SNX29: variants seen among roughly 807,000 people sequenced by gnomAD.
The protein encoded by SNX29 is sorting nexin 29.
Under a neutral mutation model 102.1 loss-of-function variants are expected in SNX29, and 78 were observed. The observed-to-expected ratio is 0.76, with a 90% confidence interval of 0.64 to 0.92. The LOEUF (loss-of-function observed/expected upper bound fraction) is 0.92. Among genes scored for constraint, SNX29 ranks in the 40% least tolerant of loss-of-function variants. SNX29 has a pLI of 0.00. For synonymous variants in SNX29, 580 were observed against 414.5 expected, an observed-to-expected ratio of 1.40 and a Z score of -4.85; for missense variants, 1,280 against 1,061.7, an observed-to-expected ratio of 1.21 and a Z score of -2.86.
intron 20 of SNX29, among the ~76,000 whole-genome samples, chr16:12,565,056 G>A (rs924695230): frequency 7.9e-5 from 12 of 152,150 alleles, no homozygotes; most frequent in African/African-American, 2.9e-4. Flanking sequence ...TCATTCCCCT[G>A]TAGCAAAGGG....
rs189298993 is a variant in SNX29 at position 12,552,830 on chromosome 16, G to T, written c.2319-15676G>T. Among the ~76,000 whole-genome samples the T allele has an allele frequency of 2.9e-3, 441 of 152,324 alleles. 1 individual carries two copies. The highest frequency in any genetic ancestry group is 0.01 in the African/African-American group (430 of 41,566). On this transcript the variant is annotated intron_variant, in intron 20 of 20. Coordinates refer to ENST00000566228, the MANE Select transcript of SNX29 (RefSeq NM_032167.5). ...GAGAACAGCCAACAGTGTGACACCT[G>T]ACCTGCCAGAGAGGAGAGGGTGTGG...
intron 18 of SNX29, among the ~76,000 whole-genome samples, chr16:12,468,458 G>T (rs996498592): frequency 6.6e-6 from 1 of 152,008 alleles, no homozygotes; most frequent in Non-Finnish European, 1.5e-5. Context: ...GCCACCACGC[G>T]CAACCTCCAA....
chr16:12,293,812 A>G (rs955841174), intron 15 of SNX29, among the ~76,000 whole-genome samples: 4 of 152,212 alleles, frequency 2.6e-5, no homozygotes, highest in African/African-American at 7.2e-5. Flanking sequence ...ATCTTTCTCA[A>G]TGATTGTTAA....
intron 15 of SNX29, among the ~76,000 whole-genome samples, chr16:12,287,751 C>G (rs2079645269): frequency 1.3e-5 from 2 of 152,308 alleles, no homozygotes; most frequent in South Asian, 4.1e-4. Flanking sequence ...AGGTCCCCAC[C>G]TCGTGATTGG....
chr16:12,564,827 A>G (rs770322350), intron 20 of SNX29, among the ~76,000 whole-genome samples: 2 of 148,236 alleles, frequency 1.3e-5, no homozygotes, highest in Non-Finnish European at 3.0e-5. Flanking sequence ...GGTGGTACAC[A>G]ACGCTGAAGT....
In SNX29 at chr16:12,150,619, C is replaced by A. The variant is rs1028865691; in HGVS notation, c.1595+20861C>A. Reference sequence around the variant, plus strand: ...AGGTAATTGTGACCAGGAACAGCGTCTAATGAGCTAATTTTTGTCCAGTGA... The same window carrying A: ...AGGTAATTGTGACCAGGAACAGCGTATAATGAGCTAATTTTTGTCCAGTGA... On this transcript the variant is annotated intron_variant, in intron 13 of 20. Transcript: ENST00000566228. Among the ~76,000 whole-genome samples the A allele has an allele frequency of 9.2e-5, 14 of 152,324 alleles. 1 individual carries two copies. The highest frequency in any genetic ancestry group is 9.1e-4 in the Admixed American group (14 of 15,302).
intron 14 of SNX29, among the ~76,000 whole-genome samples, chr16:12,267,596 C>T (rs1350502085): frequency 6.6e-6 from 1 of 152,164 alleles, no homozygotes; most frequent in Non-Finnish European, 1.5e-5. Context: ...TGGAACCTCC[C>T]TCATCCTGCA....
At chr16:12,329,535 C>T (rs1596937852) in intron 15 of SNX29, among the ~76,000 whole-genome samples, 1 of 152,134 alleles carries the variant, frequency 6.6e-6, no homozygotes, top group Non-Finnish European at 1.5e-5. Context: ...TGGGAACTAG[C>T]CCTCCTCTTA....
In SNX29 at chr16:12,572,029, A is replaced by T. The variant is rs1379748852; in HGVS notation, c.*3400A>T. 2 of 1,062,888 alleles carry T rather than the reference A, an allele frequency of 1.9e-6. No homozygotes were observed. The highest frequency in any genetic ancestry group is 1.6e-5 in the African/African-American group (1 of 60,912). 65.8% of individuals were successfully genotyped at this position (1,062,888 alleles called of 1,614,324 possible). Reference sequence around the variant, plus strand: ...TAGGGAGCTGCTGGCTATAAAAGGGATCATCCAGTGGAGTTGTAAACAAGG... The same window carrying T: ...TAGGGAGCTGCTGGCTATAAAAGGGTTCATCCAGTGGAGTTGTAAACAAGG... On this transcript the variant is annotated 3_prime_UTR_variant, in exon 21 of 21. Coordinates refer to ENST00000566228, the MANE Select transcript of SNX29 (RefSeq NM_032167.5).
intron 18 of SNX29, among the ~76,000 whole-genome samples, chr16:12,415,554 T>C (rs1201989499): frequency 2.0e-5 from 3 of 152,152 alleles, no homozygotes; most frequent in Non-Finnish European, 4.4e-5. Context: ...CGCAGGCAGG[T>C]TGGTATTGAT....
chr16:12,497,455 C>G (rs1307669593), intron 19 of SNX29, among the ~76,000 whole-genome samples: 2 of 152,140 alleles, frequency 1.3e-5, no homozygotes, highest in African/African-American at 4.8e-5. Flanking sequence ...ATCGTGGATG[C>G]TTTCTACGGC....
intron 18 of SNX29, among the ~76,000 whole-genome samples, chr16:12,415,784 A>T (rs938880560): frequency 6.6e-6 from 1 of 152,040 alleles, no homozygotes; most frequent in Non-Finnish European, 1.5e-5. Context: ...GCCACACCAC[A>T]CACTCCCTGT....
At chr16:12,373,671 C>T (rs2082770561) in intron 16 of SNX29, 1 of 152,182 alleles carries the variant, frequency 6.6e-6, no homozygotes, top group Admixed American at 6.5e-5. Flanking sequence ...GTCCCCAGCA[C>T]CTGATACAGA....
intron 16 of SNX29, chr16:12,366,918 C>T (rs551094115): frequency 6.6e-6 from 1 of 151,632 alleles, no homozygotes; most frequent in East Asian, 1.9e-4. Flanking sequence ...GCAATCCTCT[C>T]CCTCTCCCTT....
At chr16:12,186,833 G>C (rs1163260387) in intron 13 of SNX29, among the ~76,000 whole-genome samples, 1 of 152,144 alleles carries the variant, frequency 6.6e-6, no homozygotes, top group Non-Finnish European at 1.5e-5. Flanking sequence ...AGGAACTCAA[G>C]GCTTTTAATC....
chr16:12,545,053 C>G (rs192913662), intron 20 of SNX29, among the ~76,000 whole-genome samples: 2 of 152,150 alleles, frequency 1.3e-5, no homozygotes, highest in Admixed American at 6.5e-5. Flanking sequence ...TGCCCTGCTC[C>G]TGTAGCATAG....
intron 20 of SNX29, among the ~76,000 whole-genome samples, chr16:12,547,638 G>C (rs72773347): frequency 6.6e-6 from 1 of 152,078 alleles, no homozygotes; most frequent in Non-Finnish European, 1.5e-5. Flanking sequence ...CCATGGGATG[G>C]AGATATGATT....
chr16:12,107,631 G>A (rs2053317556), intron 11 of SNX29, among the ~76,000 whole-genome samples: 1 of 152,098 alleles, frequency 6.6e-6, no homozygotes, highest in Non-Finnish European at 1.5e-5. Flanking sequence ...GTGAGACTCT[G>A]CCTCAAAAAA....
rs148683294 is a variant in SNX29, at chr16:12,098,366, G to A, written c.1402+19451G>A. Among the ~76,000 whole-genome samples, 4 of 152,276 alleles carry A rather than the reference G, an allele frequency of 2.6e-5. No homozygotes were observed. The highest frequency in any genetic ancestry group is 9.6e-5 in the African/African-American group (4 of 41,544). On this transcript the variant is annotated intron_variant, in intron 11 of 20. Coordinates refer to ENST00000566228, the MANE Select transcript of SNX29 (RefSeq NM_032167.5). The surrounding 1 kb of genome is among the most constrained non-coding windows in gnomAD (Gnocchi z 6.0). ...TCCCACATCAGCCACCTTGCTCCCC[G>A]TCCAGGACTCTAACCATTGGAGTTC...
Sources: allele counts gnomAD v4.1 joint callset (sites outside exome capture counted in the v4.1 genomes callset), GRCh38; gene constraint gnomAD v4.1.1; non-coding constraint Gnocchi (gnomAD v3.1); transcripts MANE v1.5; gene names NCBI Gene and HGNC (gene_info 2026-07-23, HGNC 2026-07-21).